IKZF4: variants seen among roughly 807,000 people sequenced by gnomAD.
The protein encoded by IKZF4 is IKAROS family zinc finger 4, also known as zinc finger protein Eos.
Under a neutral mutation model 47.7 loss-of-function variants are expected in IKZF4, and 11 were observed. The ratio of observed to expected loss-of-function variants is 0.23; its 90% CI spans 0.15 to 0.38. The LOEUF (loss-of-function observed/expected upper bound fraction) is 0.38. Ranked by LOEUF, IKZF4 falls within the 10% of genes least tolerant of loss-of-function variation. The pLI is 1.00. For missense variants in IKZF4, 557 were observed against 784.9 expected, an observed-to-expected ratio of 0.71 and a Z score of 3.47; for synonymous variants, 298 against 299.4, an observed-to-expected ratio of 1.00 and a Z score of 0.05.
chr12:56,030,874 T>C (rs1370757725), intron 5 of IKZF4, among the ~76,000 whole-genome samples: 1 of 152,228 alleles, frequency 6.6e-6, no homozygotes, highest in Non-Finnish European at 1.5e-5. Context: ...TTCCACAGCA[T>C]AGTAGAATGA....
chr12:56,023,933 G>A (rs780344854), intron 2 of IKZF4, 169 bp downstream of exon 2: 339 of 985,022 alleles, frequency 3.4e-4, no homozygotes, highest in Non-Finnish European at 3.8e-4. Context: ...AGCAGATAAT[G>A]TAGAAGGCTA....
intron 6 of IKZF4, 58 bp from the exon 7 acceptor site, chr12:56,033,132 T>G (rs1895137911): frequency 2.5e-6 from 4 of 1,595,066 alleles, no homozygotes; most frequent in Admixed American, 3.4e-5. Context: ...GCAAAGGCTG[T>G]GGGGCCAATG....
In IKZF4 at chr12:56,034,062, G is replaced by C. The variant is rs1481640903; in HGVS notation, c.998-509G>C. Among the ~76,000 whole-genome samples, 7 of 152,168 alleles carry C rather than the reference G, an allele frequency of 4.6e-5. No individual in the cohort carries two copies. The East Asian group carries it at 9.7e-4, about 21-fold the overall frequency. ...CTACAGACGCCTGCCACCATGCCCGGCTAATTTTTTTTGTATTTTTAGTAG... is the reference window on the plus strand; with the variant it reads ...CTACAGACGCCTGCCACCATGCCCGCCTAATTTTTTTTGTATTTTTAGTAG... On this transcript the variant is annotated intron_variant, in intron 7 of 7. Transcript: ENST00000547167.
chr12:56,021,610 G>A (rs1345625913), intron 1 of IKZF4, 30 bp downstream of exon 1: 2 of 1,574,164 alleles, frequency 1.3e-6, no homozygotes, highest in East Asian at 4.7e-5. Flanking sequence ...GGCTAGTGGA[G>A]GGAGGAAGGG....
chr12:56,008,243 G>C (rs1244425802), intron 1 of IKZF4, among the ~76,000 whole-genome samples: 1 of 152,162 alleles, frequency 6.6e-6, no homozygotes, highest in Non-Finnish European at 1.5e-5. Flanking sequence ...ACTTAGGATG[G>C]AGTGAGAAGT....
At chr12:56,012,243 CT>C (rs984075868) in intron 2 of IKZF4, among the ~76,000 whole-genome samples, 9 of 151,720 alleles carry the variant, frequency 5.9e-5, no homozygotes, top group South Asian at 2.1e-4. Flanking sequence ...CTTTTACCCC[CT>C]AGGCCACATT....
Position 56,012,201 on chromosome 12 carries a change from A to G in IKZF4, c.-214+707A>G, listed in dbSNP as rs58933066. Among the ~76,000 whole-genome samples the G allele has an allele frequency of 3.1e-3, 464 of 150,550 alleles. 3 individuals are homozygous for G. Among genetic ancestry groups the G allele is most frequent in the African/African-American group, 0.011 (448 of 40,790 alleles). On this transcript the variant is annotated intron_variant, in intron 2 of 11. Coordinates refer to the IKZF4 transcript ENST00000262032. ...GATCCTTGCCATTCTCTCTACCTTC[A>G]CCATCTTTCCCAACAATATTCTTCT...
intron 3 of IKZF4, among the ~76,000 whole-genome samples, chr12:56,026,217 G>A (rs913848843): frequency 2.0e-5 from 3 of 152,000 alleles, no homozygotes; most frequent in Non-Finnish European, 2.9e-5. Context: ...GATTACAGGC[G>A]TGAGCCACCA....
chr12:56,025,643 C>G (rs1893841896), intron 3 of IKZF4, among the ~76,000 whole-genome samples: 2 of 152,102 alleles, frequency 1.3e-5, no homozygotes, highest in Non-Finnish European at 2.9e-5. Context: ...CTCAATGGTT[C>G]CTCCTTCCTT....
At chr12:56,026,386 A>C (rs970474976) in intron 3 of IKZF4, among the ~76,000 whole-genome samples, 1 of 152,168 alleles carries the variant, frequency 6.6e-6, no homozygotes, top group South Asian at 2.1e-4. Context: ...ACACCCTCTT[A>C]AACTTTAAGA....
At chr12:56,025,655 AC>A (rs1893845111) in intron 3 of IKZF4, among the ~76,000 whole-genome samples, 1 of 151,750 alleles carries the variant, frequency 6.6e-6, no homozygotes, top group Non-Finnish European at 1.5e-5. Flanking sequence ...TCCTTCCTTT[AC>A]CCCTCCTGCC....
chr12:56,030,992 C>T (rs906544605), intron 5 of IKZF4, among the ~76,000 whole-genome samples: 4 of 152,206 alleles, frequency 2.6e-5, no homozygotes, highest in African/African-American at 7.2e-5. Context: ...TGGTGGCTCA[C>T]GCCTGTCATC....
chr12:56,015,121 G>A (rs1395508212), intron 2 of IKZF4, among the ~76,000 whole-genome samples: 2 of 152,186 alleles, frequency 1.3e-5, no homozygotes, highest in Admixed American at 6.5e-5. Flanking sequence ...TTGTCGCCCA[G>A]GCTGGAGTGC....
At chr12:56,027,739 C>T (rs368946975) in intron 4 of IKZF4, 41 bp from the exon 5 acceptor site, 4 of 1,596,116 alleles carry the variant, frequency 2.5e-6, no homozygotes, top group Admixed American at 1.7e-5. Flanking sequence ...CTTCAAAGTT[C>T]CTCACATGCA....
In IKZF4 at chr12:56,027,046, G is replaced by A; in HGVS notation, c.547+5G>A. On this transcript the variant is annotated splice_donor_5th_base_variant and intron_variant, in intron 4 of 7. Coordinates refer to ENST00000547167, the MANE Select transcript of IKZF4 (RefSeq NM_022465.4). ...TGCACAAGCGCAGTCACACTGGTAA[G>A]TAAGCCAGAGGGGCTCTGGGAGGAG... The A allele has an allele frequency of 6.6e-7, 1 of 1,510,456 alleles. No homozygotes were observed. The highest frequency in any genetic ancestry group is 8.9e-7 in the Non-Finnish European group (1 of 1,125,666). The allele number at this position is 1,510,456 out of a possible 1,614,324, so 93.6% of individuals were successfully genotyped here.
chr12:56,033,421 T>C, intron 7 of IKZF4, 100 bp downstream of exon 7: 1 of 1,498,562 alleles, frequency 6.7e-7, no homozygotes, highest in African/African-American at 1.4e-5. Flanking sequence ...GAAAGCAGTC[T>C]GGTGGGCTGG....
chr12:56,030,275 A>G (rs1383330859), intron 5 of IKZF4, among the ~76,000 whole-genome samples: 1 of 151,896 alleles, frequency 6.6e-6, no homozygotes, highest in African/African-American at 2.4e-5. Context: ...AACAAAAACA[A>G]AAACAAAAAC....
At chr12:56,031,174 C>T (rs1304041267) in intron 5 of IKZF4, among the ~76,000 whole-genome samples, 2 of 152,058 alleles carry the variant, frequency 1.3e-5, no homozygotes, top group Non-Finnish European at 2.9e-5. Context: ...TCGCTTGAAC[C>T]CAGGAGGTAG....
At chr12:56,013,919 G>A (rs1413227930) in intron 2 of IKZF4, among the ~76,000 whole-genome samples, 1 of 152,226 alleles carries the variant, frequency 6.6e-6, no homozygotes, top group African/African-American at 2.4e-5. Flanking sequence ...GGGAGGCCGA[G>A]GCGGGCAGAT....
Sources: allele counts gnomAD v4.1 joint callset (sites outside exome capture counted in the v4.1 genomes callset), GRCh38; gene constraint gnomAD v4.1.1; transcripts MANE v1.5; gene names NCBI Gene and HGNC (gene_info 2026-07-23, HGNC 2026-07-21).